ZNF625: variants seen among roughly 807,000 people sequenced by gnomAD.
ZNF625 encodes the protein zinc finger protein 625.
ZNF625 carries 8 observed loss-of-function variants against 11.1 expected under a neutral mutation model. The ratio of observed to expected loss-of-function variants is 0.72; its 90% CI spans 0.42 to 1.30. The LOEUF (loss-of-function observed/expected upper bound fraction) is 1.30, where lower values mean the gene tolerates loss of function less well. Among genes scored for constraint, ZNF625 ranks in the 50% most tolerant of loss-of-function variants. The pLI, the probability that ZNF625 is intolerant of heterozygous loss-of-function variation, is 0.01. For synonymous variants in ZNF625, 145 were observed against 153.4 expected, an observed-to-expected ratio of 0.95 and a Z score of 0.41; for missense variants, 349 against 447.6, an observed-to-expected ratio of 0.78 and a Z score of 1.99.
chr19:12,149,547 G>A (rs778671763), intron 1 of ZNF625, among the ~76,000 whole-genome samples: 2 of 152,044 alleles, frequency 1.3e-5, no homozygotes, highest in African/African-American at 2.4e-5. Flanking sequence ...TAAATCAACT[G>A]TACAGTTAAA....
intron 1 of ZNF625, among the ~76,000 whole-genome samples, chr19:12,153,933 G>A (rs1171052045): frequency 7.1e-6 from 1 of 140,878 alleles, no homozygotes; most frequent in Admixed American, 7.4e-5. Flanking sequence ...TCAGCCTCCC[G>A]AGTAGCTGGG....
At position 12,145,892 on chromosome 19, in the gene ZNF625, C is replaced by A; in HGVS notation, c.524G>T (p.Arg175Leu). The A allele has an allele frequency of 6.2e-7, 1 of 1,614,056 alleles. No homozygotes were observed. Among genetic ancestry groups the A allele is most frequent in the Non-Finnish European group, 8.5e-7 (1 of 1,179,986 alleles). ...CEECGKSFIS[R>L]SSIRRHRIMH... is the part of the protein sequence containing the mutation. Reference sequence around the variant, plus strand: ...TATCCTGTGTCTTCGAATGCTTGAACGGGAAATAAAGCTTTTTCCACATTC... The same window carrying A: ...TATCCTGTGTCTTCGAATGCTTGAAAGGGAAATAAAGCTTTTTCCACATTC... The change falls in exon 4 of 4, where the codon CGT becomes CTT. Residue 175 changes from arginine to leucine, a missense_variant. Coordinates refer to ENST00000439556, the MANE Select transcript of ZNF625 (RefSeq NM_145233.4).
At chr19:12,154,663 T>C (rs1977002667) in intron 1 of ZNF625, among the ~76,000 whole-genome samples, 1 of 152,252 alleles carries the variant, frequency 6.6e-6, no homozygotes, top group Non-Finnish European at 1.5e-5. Flanking sequence ...ACTACATCAC[T>C]GTAACCAATA....
Position 12,148,066 on chromosome 19 carries a change from G to A in ZNF625, c.4-264C>T, listed in dbSNP as rs553390692. Among the ~76,000 whole-genome samples the A allele has an allele frequency of 4.6e-5, 7 of 152,126 alleles. No homozygotes were observed. In the South Asian group the frequency reaches 6.2e-4, roughly 14 times the overall value. Reference sequence around the variant, plus strand: ...ATGATCTTGGCTCACTGCAACCTCCGCCTCCCAGGTTCAAATGATTCTCAT... The same window carrying A: ...ATGATCTTGGCTCACTGCAACCTCCACCTCCCAGGTTCAAATGATTCTCAT... On this transcript the variant is annotated intron_variant, in intron 1 of 3. Coordinates refer to ENST00000439556, the MANE Select transcript of ZNF625 (RefSeq NM_145233.4).
At chr19:12,156,437 G>A (rs1599445465) in intron 1 of ZNF625, 119 bp downstream of exon 1, 1 of 798,048 alleles carries the variant, frequency 1.3e-6, no homozygotes, top group Non-Finnish European at 1.7e-6. Context: ...TACGCCAGGG[G>A]GACTCCGCTC....
chr19:12,149,567 G>A (rs949947212), intron 1 of ZNF625, among the ~76,000 whole-genome samples: 11 of 152,060 alleles, frequency 7.2e-5, no homozygotes, highest in Non-Finnish European at 1.0e-4. Context: ...AATTGCATAA[G>A]CTGGTAAAAT....
rs867643190 is a variant in ZNF625, at chr19:12,146,036, T to A, written c.380A>T (p.Tyr127Phe). ...RADTGHKPYE[Y>F]QEYGQKPYKC... ...ATATGGCTTCTGTCCATATTCCTGA[T>A]ACTCATATGGCTTGTGTCCAGTGTC... The change falls in exon 4 of 4, where the codon TAT becomes TTT. Residue 127 changes from tyrosine (Y) to phenylalanine (F), a missense_variant. Physicochemically the swap from Tyr to Phe is conservative, Grantham distance 22. Transcript: ENST00000439556. The A allele has an allele frequency of 6.2e-7, 1 of 1,614,222 alleles. No homozygotes were observed. Among genetic ancestry groups the A allele is most frequent in the East Asian group, 2.2e-5 (1 of 44,888 alleles).
intron 1 of ZNF625, among the ~76,000 whole-genome samples, chr19:12,155,598 C>T (rs1370596742): frequency 6.6e-6 from 1 of 152,162 alleles, no homozygotes; most frequent in African/African-American, 2.4e-5. Context: ...AACCAAACTG[C>T]CATCGAACCT....
At chr19:12,146,763 TACTA>T (rs1052411252) in intron 3 of ZNF625, among the ~76,000 whole-genome samples, 8 of 152,154 alleles carry the variant, frequency 5.3e-5, no homozygotes, top group Non-Finnish European at 1.2e-4. Context: ...ATTTTACAAG[TACTA>T]ACTGTCTTTG....
At chr19:12,156,525 C>G (rs769804349) in intron 1 of ZNF625, 31 bp downstream of exon 1, 1 of 1,425,096 alleles carries the variant, frequency 7.0e-7, no homozygotes, top group East Asian at 2.8e-5. Flanking sequence ...GCCCCTCCCC[C>G]GTCTCGGGAC....
Position 12,145,285 on chromosome 19 carries a change from A to G in ZNF625, c.*12T>C. On this transcript the variant is annotated 3_prime_UTR_variant, in exon 4 of 4. Coordinates refer to ENST00000439556, the MANE Select transcript of ZNF625 (RefSeq NM_145233.4). Reference sequence around the variant, plus strand: ...TGATTGGATTCGGTGGCTTCTAGGAATCTTATGTGAATTAAGCAATCTTCT... The same window carrying G: ...TGATTGGATTCGGTGGCTTCTAGGAGTCTTATGTGAATTAAGCAATCTTCT... 1 of 1,576,272 alleles carries G rather than the reference A, an allele frequency of 6.3e-7. No individual in the cohort carries two copies. The highest frequency in any genetic ancestry group is 8.6e-7 in the Non-Finnish European group (1 of 1,161,530).
intron 1 of ZNF625, among the ~76,000 whole-genome samples, chr19:12,151,277 T>C (rs192431185): frequency 6.7e-6 from 1 of 150,048 alleles, no homozygotes; most frequent in Admixed American, 6.7e-5. Context: ...AGTAGTGCAA[T>C]CACAGCTCAC....
chr19:12,147,375 C>T lies in ZNF625; in HGVS notation c.191+20G>A. ...TGATTGTCTAGAGAGACATCACTTT[C>T]TCTTGTGAATGCGAATTACCTTAGG... On this transcript the variant is annotated intron_variant, in intron 3 of 3. Coordinates refer to ENST00000439556, the MANE Select transcript of ZNF625 (RefSeq NM_145233.4). 1.3e-6 allele frequency: 2 copies of T among 1,509,074 alleles called. No individual in the cohort carries two copies. The highest frequency in any genetic ancestry group is 1.8e-6 in the Non-Finnish European group (2 of 1,127,140). The allele number at this position is 1,509,074 out of a possible 1,614,324, so 93.5% of individuals were successfully genotyped here.
rs772789623 is a variant in ZNF625, at chr19:12,145,784, C to G, written c.632G>C (p.Arg211Pro). ...ATATGGTTTCTCTCCAGTGTGAGTT[C>G]GTTTGTGGATAAGATACAAACTGAG... Reference protein sequence around the residue: ...MCLSLYLIHKRTHTGEKPYEC... With the variant: ...MCLSLYLIHKPTHTGEKPYEC... The change falls in exon 4 of 4, where the codon CGA (arginine) becomes CCA (proline). Residue 211 changes from arginine (R) to proline (P), a missense_variant. By Grantham distance (103) the Arg-to-Pro change is moderately radical. Coordinates refer to ENST00000439556, the MANE Select transcript of ZNF625 (RefSeq NM_145233.4). 1 of 1,614,166 alleles carries G rather than the reference C, an allele frequency of 6.2e-7. No homozygotes were observed. Among genetic ancestry groups the G allele is most frequent in the Non-Finnish European group, 8.5e-7 (1 of 1,180,022 alleles).
rs569111605 is a variant in ZNF625, at chr19:12,151,364, C to T, written c.4-3562G>A. Among the ~76,000 whole-genome samples, 31 of 150,804 alleles carry T rather than the reference C, an allele frequency of 2.1e-4. No homozygotes were observed. In the South Asian group the frequency reaches 6.5e-3, roughly 32 times the overall value. On this transcript the variant is annotated intron_variant, in intron 1 of 3. Coordinates refer to ENST00000439556, the MANE Select transcript of ZNF625 (RefSeq NM_145233.4). ...TACCTGGGCTCACTGGAGCATGCCA[C>T]CACACCTGGGTAATTTTTTTTTTTT...
chr19:12,150,657 C>T (rs271199), intron 1 of ZNF625, among the ~76,000 whole-genome samples: 36,079 of 152,058 alleles, frequency 0.24, 6,419 homozygotes, highest in African/African-American at 0.5. Context: ...ATTTTTAACA[C>T]GATTTCAGTA....
chr19:12,152,188 C>T (rs893570520), intron 1 of ZNF625, among the ~76,000 whole-genome samples: 5 of 151,982 alleles, frequency 3.3e-5, no homozygotes, highest in African/African-American at 1.2e-4. Context: ...TACCAATTAC[C>T]TACCATAACT....
intron 1 of ZNF625, 28 bp from the exon 2 acceptor site, chr19:12,147,830 CAT>C: frequency 1.3e-5 from 21 of 1,612,402 alleles, no homozygotes; most frequent in Non-Finnish European, 1.7e-5. Flanking sequence ...TGTAAAGAAA[CAT>C]GGGTGAGACT....
chr19:12,147,597 C>T, intron 2 of ZNF625, 79 bp downstream of exon 2: 1 of 1,604,460 alleles, frequency 6.2e-7, no homozygotes, highest in Non-Finnish European at 8.5e-7. Context: ...TGTCCACACT[C>T]CAAATCACTC....
Sources: allele counts gnomAD v4.1 joint callset (sites outside exome capture counted in the v4.1 genomes callset), GRCh38; gene constraint gnomAD v4.1.1; transcripts MANE v1.5; gene names NCBI Gene and HGNC (gene_info 2026-07-23, HGNC 2026-07-21).